The following OR51B5 variants were observed in gnomAD, a reference collection of about 807,000 sequenced individuals.
OR51B5 encodes olfactory receptor 51B5.
For synonymous variants in OR51B5, 186 were observed against 144.8 expected, an observed-to-expected ratio of 1.28 and a Z score of -2.04; for missense variants, 456 against 374.6, an observed-to-expected ratio of 1.22 and a Z score of -1.79.
At chr11:5,491,298 A>G (rs1307065835) in intron 1 of OR51B5, among the ~76,000 whole-genome samples, 1 of 152,226 alleles carries the variant, frequency 6.6e-6, no homozygotes, top group Non-Finnish European at 1.5e-5. Context: ...TTACCTAGAA[A>G]AGCAATTACA....
chr11:5,342,134 C>T (rs1848904802), downstream of OR51B5, among the ~76,000 whole-genome samples: 1 of 151,890 alleles, frequency 6.6e-6, no homozygotes, highest in African/African-American at 2.4e-5. Context: ...TATAGGTTCC[C>T]ATTGTTTGTA....
chr11:5,444,804 A>C (rs1268237323), intron 1 of OR51B5, among the ~76,000 whole-genome samples: 1 of 152,142 alleles, frequency 6.6e-6, no homozygotes, highest in Non-Finnish European at 1.5e-5. Context: ...TTGGGCCATA[A>C]GAGAATTGCT....
chr11:5,369,187 T>G (rs1256660809), intron 1 of OR51B5, among the ~76,000 whole-genome samples: 2 of 151,310 alleles, frequency 1.3e-5, no homozygotes, highest in Non-Finnish European at 3.0e-5. Context: ...TATTCATCCA[T>G]TCACACATAT....
At chr11:5,389,259 T>C (rs1362953453) in intron 1 of OR51B5, 1 of 823,602 alleles carries the variant, frequency 1.2e-6, no homozygotes, top group Non-Finnish European at 1.9e-6. Context: ...GTAGTGAGAT[T>C]GGCAGAATTC....
At chr11:5,436,330 A>G (rs1850592036) in intron 1 of OR51B5, among the ~76,000 whole-genome samples, 1 of 152,208 alleles carries the variant, frequency 6.6e-6, no homozygotes, top group Non-Finnish European at 1.5e-5. Context: ...GAAGGTGTTC[A>G]AGCAAAGACT....
At chr11:5,375,121 T>G (rs1188216952) in intron 1 of OR51B5, among the ~76,000 whole-genome samples, 1 of 148,940 alleles carries the variant, frequency 6.7e-6, no homozygotes. Context: ...CCCATCAGAC[T>G]AACAGCAGCT....
chr11:5,476,989 C>G (rs1464173332), intron 1 of OR51B5, among the ~76,000 whole-genome samples: 1 of 152,192 alleles, frequency 6.6e-6, no homozygotes, highest in African/African-American at 2.4e-5. Flanking sequence ...ATCTACTGTA[C>G]AAAATAATGC....
At chr11:5,438,527 G>C (rs1300998929) in intron 1 of OR51B5, among the ~76,000 whole-genome samples, 1 of 152,130 alleles carries the variant, frequency 6.6e-6, no homozygotes, top group African/African-American at 2.4e-5. Flanking sequence ...ACATGTACTG[G>C]TGTGACCAAC....
At chr11:5,380,074 C>A (rs1300042253) in intron 1 of OR51B5, among the ~76,000 whole-genome samples, 9 of 152,002 alleles carry the variant, frequency 5.9e-5, no homozygotes, top group Admixed American at 5.2e-4. Flanking sequence ...TTTAGCCCAA[C>A]TTGGAGTGGG....
At position 5,368,546 on chromosome 11, in the gene OR51B5, C is replaced by G. The variant is rs1849408183; in HGVS notation, n.85-21636G>C. ...GGCTGAGAAGATACTCTGTCTAGCT[C>G]TGACAAAGAAAATAAAAACCTTTAA... On this transcript the variant is annotated intron_variant and non_coding_transcript_variant, in intron 1 of 4. Transcript: ENST00000415970. Among the ~76,000 whole-genome samples, 3 of 152,120 alleles carry G rather than the reference C, an allele frequency of 2.0e-5. No individual in the cohort carries two copies. The South Asian group carries it at 6.2e-4, about 32-fold the overall frequency.
intron 1 of OR51B5, among the ~76,000 whole-genome samples, chr11:5,457,580 C>T (rs1850978484): frequency 6.6e-6 from 1 of 152,180 alleles, no homozygotes; most frequent in African/African-American, 2.4e-5. Flanking sequence ...TTTACATTCC[C>T]ACCAACAGAG....
chr11:5,374,376 T>C (rs1382333478), intron 1 of OR51B5, among the ~76,000 whole-genome samples: 1 of 151,854 alleles, frequency 6.6e-6, no homozygotes, highest in African/African-American at 2.4e-5. Context: ...ACCACAAAGT[T>C]GGGGAAAAAA....
At chr11:5,390,350 T>C (rs10768907) in intron 1 of OR51B5, 1,285,778 of 1,605,522 alleles carry the variant, frequency 0.8, 517,914 homozygotes, top group Middle Eastern at 0.83. Flanking sequence ...CATTATCAAG[T>C]TCCTAGGTCT....
intron 1 of OR51B5, chr11:5,454,387 G>C: frequency 6.2e-7 from 1 of 1,610,560 alleles, no homozygotes. Context: ...AAGGAAATCC[G>C]CCGAGCCATT....
At chr11:5,440,003 A>G (rs1850652299) in intron 1 of OR51B5, among the ~76,000 whole-genome samples, 1 of 152,176 alleles carries the variant, frequency 6.6e-6, no homozygotes, top group Non-Finnish European at 1.5e-5. Context: ...ATCTCTGCCA[A>G]AATCAGTACC....
At position 5,359,944 on chromosome 11, in the gene OR51B5, C is replaced by T. The variant is rs538323894; in HGVS notation, n.85-13034G>A. Reference sequence around the variant, plus strand: ...GCTGGGAAAACTGGCTAACCATACGCAGAAAGCTGAAACTGGATCCCTTTC... The same window carrying T: ...GCTGGGAAAACTGGCTAACCATACGTAGAAAGCTGAAACTGGATCCCTTTC... On this transcript the variant is annotated intron_variant and non_coding_transcript_variant, in intron 1 of 4. Coordinates refer to the OR51B5 transcript ENST00000415970. 2.4e-4 allele frequency among the ~76,000 whole-genome samples: 37 copies of T among 152,226 alleles called. No homozygotes were observed. The East Asian group carries it at 5.0e-3, about 21-fold the overall frequency.
chr11:5,448,254 A>G (rs755471812), intron 1 of OR51B5, among the ~76,000 whole-genome samples: 9 of 152,194 alleles, frequency 5.9e-5, no homozygotes, highest in Admixed American at 1.3e-4. Flanking sequence ...TTTTGTTCCT[A>G]GGTTAGATTG....
At chr11:5,374,000 G>A (rs1849484036) in intron 1 of OR51B5, among the ~76,000 whole-genome samples, 1 of 152,188 alleles carries the variant, frequency 6.6e-6, no homozygotes, top group Non-Finnish European at 1.5e-5. Context: ...CACACAGCTG[G>A]AGATCTGAGA....
At chr11:5,350,985 T>G (rs146808849) in intron 1 of OR51B5, among the ~76,000 whole-genome samples, 549 of 152,312 alleles carry the variant, frequency 3.6e-3, no homozygotes, top group Middle Eastern at 0.01. Context: ...TTCTTACTTG[T>G]GTATTTGTTT....
Sources: allele counts gnomAD v4.1 joint callset (sites outside exome capture counted in the v4.1 genomes callset), GRCh38; gene constraint gnomAD v4.1.1; transcripts MANE v1.5; gene names NCBI Gene and HGNC (gene_info 2026-07-23, HGNC 2026-07-21).